The following ZNF740 variants were observed in gnomAD, a reference collection of about 807,000 sequenced individuals.
The protein encoded by ZNF740 is zinc finger protein 740, also known as oriLyt TD-element-binding protein 7.
Under a neutral mutation model 24.8 loss-of-function variants are expected in ZNF740, and 14 were observed. The ratio of observed to expected loss-of-function variants is 0.56; its 90% confidence interval spans 0.37 to 0.88. The LOEUF (loss-of-function observed/expected upper bound fraction) is 0.88, where lower values mean the gene tolerates loss of function less well. Among genes scored for constraint, ZNF740 ranks in the 40% least tolerant of loss-of-function variants. The pLI, the probability that ZNF740 is intolerant of heterozygous loss-of-function variation, is 0.00. For synonymous variants in ZNF740, 69 were observed against 84.0 expected, an observed-to-expected ratio of 0.82 and a Z score of 0.98; for missense variants, 201 against 247.9, an observed-to-expected ratio of 0.81 and a Z score of 1.27.
rs1424912589 is a variant in ZNF740 at position 53,193,561 on chromosome 12, A to G, written c.*5971A>G. On this transcript the variant is annotated 3_prime_UTR_variant, in exon 7 of 7. Transcript: ENST00000416904. ...AGTCAGGGGGAGGGCCTGGACATAC[A>G]TGGGAAGCTTCAAGGGATGAAACTG... 19 of 797,346 alleles carry G rather than the reference A, an allele frequency of 2.4e-5. No homozygotes were observed. In the Admixed American group the frequency reaches 5.3e-4, roughly 22 times the overall value. The allele number at this position is 797,346 out of a possible 1,614,324, so 49.4% of individuals were successfully genotyped here.
At position 53,193,655 on chromosome 12, in the gene ZNF740, G is replaced by T; in HGVS notation, c.*6065G>T. 6.7e-7 allele frequency: 1 copy of T among 1,487,108 alleles called. No individual in the cohort carries two copies. Among genetic ancestry groups the T allele is most frequent in the African/African-American group, 1.4e-5 (1 of 72,026 alleles). The allele number at this position is 1,487,108 out of a possible 1,614,324, so 92.1% of individuals were successfully genotyped here. ...GAAAGCAGCGGAGGAATACGGGCCA[G>T]GGTTGGTTGGTTGTTGGGAGCCAGG... On this transcript the variant is annotated 3_prime_UTR_variant, in exon 7 of 7. Transcript: ENST00000416904.
chr12:53,182,373 A>G (rs1485301283), intron 2 of ZNF740, among the ~76,000 whole-genome samples: 7 of 152,226 alleles, frequency 4.6e-5, no homozygotes, highest in African/African-American at 1.7e-4. Context: ...TGTGCTGGGA[A>G]TACAAAGATG....
chr12:53,185,059 T>C lies in ZNF740; in HGVS notation c.159+19T>C, dbSNP rs911610717. On this transcript the variant is annotated intron_variant, in intron 3 of 6. Coordinates refer to ENST00000416904, the MANE Select transcript of ZNF740 (RefSeq NM_001004304.4). ...GAGTCAGGTACAGCGCTTGAGTCCATTGTGGCACCTGGGGATCGGGTGGCC... is the reference window on the plus strand; with the variant it reads ...GAGTCAGGTACAGCGCTTGAGTCCACTGTGGCACCTGGGGATCGGGTGGCC... 1.2e-6 allele frequency: 2 copies of C among 1,612,200 alleles called. No homozygotes were observed. Among genetic ancestry groups the C allele is most frequent in the African/African-American group, 1.3e-5 (1 of 74,980 alleles).
chr12:53,184,151 G>GTGCA (rs1555175912), intron 2 of ZNF740, among the ~76,000 whole-genome samples: 16 of 70,874 alleles, frequency 2.3e-4, no homozygotes, highest in Non-Finnish European at 4.2e-4. Flanking sequence ...GTGTGTGTGT[G>GTGCA]CGCGCGCGCG....
intron 1 of ZNF740, 51 bp from the exon 2 acceptor site, chr12:53,181,626 T>C (rs1592381326): frequency 2.1e-6 from 1 of 485,096 alleles, no homozygotes; most frequent in Admixed American, 5.6e-5. Flanking sequence ...CACGTTGTAA[T>C]GGCCTGAAGA....
In ZNF740 at chr12:53,190,685, T is replaced by TG. The variant is rs1371861618; in HGVS notation, c.*3095_*3096insG. 3 of 152,154 alleles carry TG rather than the reference T, an allele frequency of 2.0e-5. No homozygotes were observed. The highest frequency in any genetic ancestry group is 7.2e-5 in the African/African-American group (3 of 41,386). The allele number at this position is 152,154 out of a possible 1,614,324, so 9.4% of individuals were successfully genotyped here. On this transcript the variant is annotated 3_prime_UTR_variant, in exon 7 of 7. Transcript: ENST00000416904. ...CCTCTCCACCCTGTTTTTTGTTTTT[T>TG]TTTTTTTTAAATAATATTTTGCTAT...
rs1003082418 is a variant in ZNF740 at position 53,194,435 on chromosome 12, C to T, written c.*6845C>T. 7.5e-7 allele frequency: 1 copy of T among 1,339,528 alleles called. No homozygotes were observed. The highest frequency in any genetic ancestry group is 2.5e-5 in the East Asian group (1 of 40,592). 83.0% of individuals were successfully genotyped at this position (1,339,528 alleles called of 1,614,324 possible). ...CCTCTCCAGGTGTTCCCAATTCTGC[C>T]AGCACCCTGCCCTCTGCCACCTGGG... On this transcript the variant is annotated 3_prime_UTR_variant, in exon 7 of 7. Coordinates refer to ENST00000416904, the MANE Select transcript of ZNF740 (RefSeq NM_001004304.4).
At position 53,190,559 on chromosome 12, in the gene ZNF740, G is replaced by C. The variant is rs1478281505; in HGVS notation, c.*2969G>C. On this transcript the variant is annotated 3_prime_UTR_variant, in exon 7 of 7. Coordinates refer to ENST00000416904, the MANE Select transcript of ZNF740 (RefSeq NM_001004304.4). Reference sequence around the variant, plus strand: ...CACGCCCATGGCTTGACATTGGAGGGTTACATTAGTGGAGTCCGCCACAGC... The same window carrying C: ...CACGCCCATGGCTTGACATTGGAGGCTTACATTAGTGGAGTCCGCCACAGC... 3 of 152,654 alleles carry C rather than the reference G, an allele frequency of 2.0e-5. No homozygotes were observed. The highest frequency in any genetic ancestry group is 4.4e-5 in the Non-Finnish European group (3 of 68,068). 9.5% of individuals were successfully genotyped at this position (152,654 alleles called of 1,614,324 possible).
Position 53,188,957 on chromosome 12 carries a change from T to C in ZNF740, c.*1367T>C, listed in dbSNP as rs1041451829. ...CATGTATTTGTATGCTTGCAGGAGATGGCATATTATTGAGCCAAACCCTTC... is the reference window on the plus strand; with the variant it reads ...CATGTATTTGTATGCTTGCAGGAGACGGCATATTATTGAGCCAAACCCTTC... On this transcript the variant is annotated 3_prime_UTR_variant, in exon 7 of 7. Transcript: ENST00000416904. The C allele has an allele frequency of 3.3e-5, 5 of 152,144 alleles. No homozygotes were observed. The highest frequency in any genetic ancestry group is 1.2e-4 in the African/African-American group (5 of 41,404). The allele number at this position is 152,144 out of a possible 1,614,324, so 9.4% of individuals were successfully genotyped here.
chr12:53,193,331 T>A lies in ZNF740; in HGVS notation c.*5741T>A, dbSNP rs1942035898. On this transcript the variant is annotated 3_prime_UTR_variant, in exon 7 of 7. Coordinates refer to ENST00000416904, the MANE Select transcript of ZNF740 (RefSeq NM_001004304.4). ...GGAGGACAGCTCTGCCACAGAGCAC[T>A]CACAGAGCCGACCTAGGCGGCCAGG... 6.2e-7 allele frequency: 1 copy of A among 1,601,406 alleles called. No homozygotes were observed. Among genetic ancestry groups the A allele is most frequent in the Admixed American group, 1.7e-5 (1 of 58,988 alleles).
chr12:53,193,339 C>T lies in ZNF740; in HGVS notation c.*5749C>T, dbSNP rs1212720578. On this transcript the variant is annotated 3_prime_UTR_variant, in exon 7 of 7. Coordinates refer to ENST00000416904, the MANE Select transcript of ZNF740 (RefSeq NM_001004304.4). Reference sequence around the variant, plus strand: ...GCTCTGCCACAGAGCACTCACAGAGCCGACCTAGGCGGCCAGGGGCACAGC... The same window carrying T: ...GCTCTGCCACAGAGCACTCACAGAGTCGACCTAGGCGGCCAGGGGCACAGC... 1.3e-6 allele frequency: 2 copies of T among 1,591,326 alleles called. No individual in the cohort carries two copies. The highest frequency in any genetic ancestry group is 1.7e-6 in the Non-Finnish European group (2 of 1,165,440).
In ZNF740 at chr12:53,194,697, C is replaced by T. The variant is rs1021297020; in HGVS notation, c.*7107C>T. On this transcript the variant is annotated 3_prime_UTR_variant, in exon 7 of 7. Coordinates refer to ENST00000416904, the MANE Select transcript of ZNF740 (RefSeq NM_001004304.4). ...CCAGGTCTAAAGGGCAGATTCATTA[C>T]AGAGTTTATCTTGGGAAATTTGATA... 1.4e-4 allele frequency: 29 copies of T among 207,858 alleles called. No individual in the cohort carries two copies. The highest frequency in any genetic ancestry group is 6.6e-4 in the African/African-American group (29 of 44,080). 12.9% of individuals were successfully genotyped at this position (207,858 alleles called of 1,614,324 possible). A position where few individuals can be genotyped will look rare whatever the true frequency, so the allele number is the denominator to read the frequency against.
chr12:53,191,248 A>G lies in ZNF740; in HGVS notation c.*3658A>G, dbSNP rs573849569. ...CTCAGGTGGCAAGAGGAGGATGGAC[A>G]AGAGCTTTCCCGAGGCCCAGGCTAT... On this transcript the variant is annotated 3_prime_UTR_variant, in exon 7 of 7. Transcript: ENST00000416904. 2 of 372,706 alleles carry G rather than the reference A, an allele frequency of 5.4e-6. No homozygotes were observed. The highest frequency in any genetic ancestry group is 2.1e-5 in the African/African-American group (1 of 48,408). 23.1% of individuals were successfully genotyped at this position (372,706 alleles called of 1,614,324 possible). A position where few individuals can be genotyped will look rare whatever the true frequency, so the allele number is the denominator to read the frequency against.
rs1264091943 is a variant in ZNF740, at chr12:53,189,505, A to G, written c.*1915A>G. The stretch of plus-strand genomic sequence containing the variant: ...CATACCTCTGTGGTATGAGTATTTC[A>G]GGGAAAAAGAAAGCAGGCATGGCAC... On this transcript the variant is annotated 3_prime_UTR_variant, in exon 7 of 7. Transcript: ENST00000416904. 1 of 152,192 alleles carries G rather than the reference A, an allele frequency of 6.6e-6. No homozygotes were observed. Among genetic ancestry groups the G allele is most frequent in the Non-Finnish European group, 1.5e-5 (1 of 68,034 alleles). 9.4% of individuals were successfully genotyped at this position (152,192 alleles called of 1,614,324 possible).
intron 5 of ZNF740, 48 bp from the exon 6 acceptor site, chr12:53,186,343 C>A: frequency 6.7e-7 from 1 of 1,485,670 alleles, no homozygotes; most frequent in Non-Finnish European, 9.2e-7. Flanking sequence ...AATGAGGTCC[C>A]TACTGTACAT....
rs368682676 is a variant in ZNF740, at chr12:53,185,981, T to C, written c.277T>C (p.Phe93Leu). 89 of 1,613,750 alleles carry C rather than the reference T, an allele frequency of 5.5e-5. No individual in the cohort carries two copies. Among genetic ancestry groups the C allele is most frequent in the Non-Finnish European group, 7.2e-5 (85 of 1,179,846 alleles). Residue 93 changes from phenylalanine (F) to leucine (L), a missense_variant, in exon 5 of 7, where the codon TTT becomes CTT. By Grantham distance (22) the Phe-to-Leu change is conservative. This residue lies in a region of ZNF740 where 117 missense variants were observed against 122.3 expected (regional missense o/e 0.96). Coordinates refer to ENST00000416904, the MANE Select transcript of ZNF740 (RefSeq NM_001004304.4). The stretch of plus-strand genomic sequence containing the variant: ...GGTGGTAGTGGAACAAAATGGTTCT[T>C]TTCAAGTAAAGATTCCCAAAAATTT... ...KVVVVEQNGS[F>L]QVKIPKNFVC...
chr12:53,186,319 T>C (rs1421833652), intron 5 of ZNF740, 72 bp from the exon 6 acceptor site: 1 of 1,398,494 alleles, frequency 7.2e-7, no homozygotes, highest in Non-Finnish European at 9.9e-7. Flanking sequence ...AGTTAAAGTT[T>C]CTGAGAAAAC....
chr12:53,184,150 T>TGTGTGTGCGCGCGCGCGC (rs59250662), intron 2 of ZNF740, among the ~76,000 whole-genome samples: 42 of 104,416 alleles, frequency 4.0e-4, no homozygotes, highest in African/African-American at 1.5e-3. Context: ...TGTGTGTGTG[T>TGTGTGTGCGCGCGCGCGC]GCGCGCGCGC....
rs1260755716 is a variant in ZNF740 at position 53,192,950 on chromosome 12, C to T, written c.*5360C>T. On this transcript the variant is annotated 3_prime_UTR_variant, in exon 7 of 7. Transcript: ENST00000416904. ...TGCAGAGGGTGACAACCATACTCCA[C>T]ACACACAGTTGGCCATCATGTGGCA... is the stretch of plus-strand genomic sequence containing the variant. 6.3e-7 allele frequency: 1 copy of T among 1,587,386 alleles called. No homozygotes were observed. The highest frequency in any genetic ancestry group is 1.3e-5 in the African/African-American group (1 of 74,502).
Sources: gnomAD v4.1 joint callset for allele counts (sites outside exome capture counted in the v4.1 genomes callset) on GRCh38, gnomAD v4.1.1 for gene constraint, gnomAD v4.1.1 regional missense constraint, MANE v1.5 for transcripts, NCBI Gene and HGNC (gene_info 2026-07-23, HGNC 2026-07-21) for gene names.